The following AGBL1 variants were observed in gnomAD, a reference collection of about 807,000 sequenced individuals.
AGBL1 encodes the protein cytosolic carboxypeptidase 4.
In AGBL1, 130 loss-of-function variants were observed where a neutral mutation model predicts 118.9. The ratio of observed to expected loss-of-function variants is 1.09; its 90% CI spans 0.95 to 1.26. AGBL1 has a LOEUF of 1.26. Ranked by LOEUF, AGBL1 falls within the 50% of genes most tolerant of loss-of-function variation. The pLI, the probability that AGBL1 is intolerant of heterozygous loss-of-function variation, is 0.00. For missense variants in AGBL1, 1,584 were observed against 1,298.1 expected (o/e 1.22, Z -3.38); for synonymous variants, 555 against 478.9 (o/e 1.16, Z -2.08).
chr15:86,779,060 G>T (rs1375134888), intron 22 of AGBL1, among the ~76,000 whole-genome samples: 4 of 152,200 alleles, frequency 2.6e-5, no homozygotes, highest in Non-Finnish European at 1.5e-5. Context: ...ACTTGAAAGA[G>T]AATATTATGC....
intron 22 of AGBL1, among the ~76,000 whole-genome samples, chr15:86,782,908 TGTCAAC>T (rs1384388277): frequency 2.0e-5 from 3 of 152,224 alleles, no homozygotes; most frequent in Non-Finnish European, 4.4e-5. Context: ...CTACTTTCTA[TGTCAAC>T]GTCTGATTGA....
At chr15:86,122,935 A>G (rs1028547060) in intron 1 of AGBL1, among the ~76,000 whole-genome samples, 1 of 152,174 alleles carries the variant, frequency 6.6e-6, no homozygotes, top group African/African-American at 2.4e-5. Context: ...TAAGACACCA[A>G]ATTCCAGCCT....
At chr15:86,336,137 G>C (rs947066653) in intron 17 of AGBL1, among the ~76,000 whole-genome samples, 9 of 152,212 alleles carry the variant, frequency 5.9e-5, no homozygotes, top group African/African-American at 1.7e-4. Context: ...ACCTGTGATA[G>C]AGTGCCCTAG....
chr15:86,796,767 G>A (rs1017243774), intron 22 of AGBL1, among the ~76,000 whole-genome samples: 2 of 152,182 alleles, frequency 1.3e-5, no homozygotes, highest in African/African-American at 2.4e-5. Context: ...ACAAGGCAGA[G>A]TTGACTATTT....
chr15:86,443,188 G>T (rs775356099), intron 18 of AGBL1, among the ~76,000 whole-genome samples: 1 of 152,140 alleles, frequency 6.6e-6, no homozygotes, highest in Non-Finnish European at 1.5e-5. Flanking sequence ...ACCATCTGCC[G>T]CAGGGCACCA....
Position 86,266,413 on chromosome 15 carries a change from A to C in AGBL1, c.1707A>C (p.Pro569=), listed in dbSNP as rs755147811. The change falls in exon 12 of 23, where the codon CCA becomes CCC. Residue 569 remains proline, a synonymous_variant. Coordinates refer to ENST00000614907, the MANE Select transcript of AGBL1 (RefSeq NM_001386094.1). ...AGGATATTCGGAGGCTCATCCAGCCAAGTGATGTTATAAATAAAGTTGTCT... is the reference window on the plus strand; with the variant it reads ...AGGATATTCGGAGGCTCATCCAGCCCAGTGATGTTATAAATAAAGTTGTCT... ...IFEDIRRLIQ[P]SDVINKVVFS... is the part of the protein sequence containing the mutation. 1.9e-6 allele frequency: 3 copies of C among 1,580,052 alleles called. No individual in the cohort carries two copies. The South Asian group carries it at 3.5e-5, about 18-fold the overall frequency.
chr15:86,825,079 A>G (rs888085039), intron 22 of AGBL1, among the ~76,000 whole-genome samples: 5 of 151,896 alleles, frequency 3.3e-5, no homozygotes, highest in African/African-American at 1.2e-4. Context: ...AACAAACAAA[A>G]CAAAAAACAA....
chr15:86,256,234 T>A (rs77827226), intron 7 of AGBL1, among the ~76,000 whole-genome samples: 1 of 152,224 alleles, frequency 6.6e-6, no homozygotes, highest in African/African-American at 2.4e-5. Flanking sequence ...AGTATCAAAA[T>A]GTTACATCTG....
chr15:86,795,901 T>C (rs2078563852), intron 22 of AGBL1, among the ~76,000 whole-genome samples: 4 of 151,554 alleles, frequency 2.6e-5, no homozygotes, highest in Non-Finnish European at 4.4e-5. Flanking sequence ...CTGCTTGATC[T>C]TACAGCCCAG....
intron 22 of AGBL1, among the ~76,000 whole-genome samples, chr15:86,812,657 G>A (rs1010366793): frequency 1.3e-5 from 2 of 152,116 alleles, no homozygotes; most frequent in African/African-American, 2.4e-5. Flanking sequence ...ATAGAGCACA[G>A]TAGATCTGCA....
intron 21 of AGBL1, among the ~76,000 whole-genome samples, chr15:86,564,917 T>A (rs2083888740): frequency 1.3e-5 from 2 of 152,220 alleles, no homozygotes; most frequent in African/African-American, 4.8e-5. Flanking sequence ...TTCCAGTTGA[T>A]CGAATTGCCT....
rs543403066 is a variant in AGBL1 at position 86,660,244 on chromosome 15, G to A, written c.2995-14029G>A. On this transcript the variant is annotated intron_variant, in intron 21 of 22. Coordinates refer to ENST00000614907, the MANE Select transcript of AGBL1 (RefSeq NM_001386094.1). ...GATCTACAGGGGCCGATTGACCGGG[G>A]CTTCATGCCTGACACTGGGCAGAGA... Among the ~76,000 whole-genome samples the A allele has an allele frequency of 2.0e-5, 3 of 152,064 alleles. No individual in the cohort carries two copies. In the South Asian group the frequency reaches 6.2e-4, roughly 32 times the overall value.
chr15:86,537,029 G>T (rs369886747), intron 19 of AGBL1, among the ~76,000 whole-genome samples: 2 of 152,318 alleles, frequency 1.3e-5, no homozygotes, highest in East Asian at 3.9e-4. Flanking sequence ...GACAGTGAGG[G>T]TTGCCCAGAG....
chr15:86,571,782 G>A (rs1291070052), intron 21 of AGBL1, among the ~76,000 whole-genome samples: 2 of 152,172 alleles, frequency 1.3e-5, no homozygotes, highest in African/African-American at 2.4e-5. Context: ...AGCACCACAA[G>A]CTCCCCCTCT....
At chr15:86,567,207 C>G (rs2083929885) in intron 21 of AGBL1, among the ~76,000 whole-genome samples, 1 of 152,162 alleles carries the variant, frequency 6.6e-6, no homozygotes, top group African/African-American at 2.4e-5. Flanking sequence ...GATTAAGACT[C>G]TAAGCTTTTA....
chr15:86,735,207 A>C (rs1037797371), intron 22 of AGBL1, among the ~76,000 whole-genome samples: 2 of 151,844 alleles, frequency 1.3e-5, no homozygotes, highest in African/African-American at 4.8e-5. Flanking sequence ...TCAACTTCCC[A>C]AGCATCTGGG....
intron 1 of AGBL1, among the ~76,000 whole-genome samples, chr15:86,127,850 G>C (rs1045785275): frequency 6.6e-6 from 1 of 152,130 alleles, no homozygotes; most frequent in Non-Finnish European, 1.5e-5. Flanking sequence ...TGAACATGTT[G>C]ATCTTGGAGG....
intron 5 of AGBL1, among the ~76,000 whole-genome samples, chr15:86,184,406 G>A (rs888523538): frequency 6.6e-6 from 1 of 151,142 alleles, no homozygotes; most frequent in Non-Finnish European, 1.5e-5. Context: ...TTTTATACAC[G>A]ATCTATTCCT....
intron 22 of AGBL1, among the ~76,000 whole-genome samples, chr15:86,759,688 G>A (rs1034071983): frequency 8.5e-5 from 13 of 152,130 alleles, no homozygotes; most frequent in Admixed American, 5.9e-4. Context: ...TCTGGATACA[G>A]AATATGGAAG....
Sources: gnomAD v4.1 joint callset for allele counts (sites outside exome capture counted in the v4.1 genomes callset) on GRCh38, gnomAD v4.1.1 for gene constraint, MANE v1.5 for transcripts, NCBI Gene and HGNC (gene_info 2026-07-23, HGNC 2026-07-21) for gene names.